The following DCAF17 variants were observed in gnomAD, a reference collection of about 807,000 sequenced individuals.
DCAF17 encodes DDB1 and CUL4 associated factor 17, also known as DDB1- and CUL4-associated factor 17.
In DCAF17, 48 loss-of-function variants were observed where a neutral mutation model predicts 66.0. The ratio of observed to expected loss-of-function variants is 0.73; its 90% confidence interval spans 0.58 to 0.92. DCAF17 has a LOEUF of 0.92. Ranked by LOEUF, DCAF17 falls within the 40% of genes least tolerant of loss-of-function variation. DCAF17 has a pLI of 0.00. For missense variants in DCAF17, 562 were observed against 622.8 expected, an observed-to-expected ratio of 0.90 and a Z score of 1.04; for synonymous variants, 206 against 214.6, an observed-to-expected ratio of 0.96 and a Z score of 0.35.
At chr2:171,462,937 A>G (rs1485678606) in intron 8 of DCAF17, among the ~76,000 whole-genome samples, 1 of 152,160 alleles carries the variant, frequency 6.6e-6, no homozygotes, top group Non-Finnish European at 1.5e-5. Context: ...TGTTAAAAAG[A>G]AGGAGGAGTT....
intron 8 of DCAF17, among the ~76,000 whole-genome samples, chr2:171,465,154 C>T (rs558689227): frequency 1.3e-5 from 2 of 150,982 alleles, no homozygotes; most frequent in Non-Finnish European, 2.9e-5. Context: ...GCCGAGATTG[C>T]GCCACTGCAC....
chr2:171,437,395 C>T (rs76059736), intron 2 of DCAF17, among the ~76,000 whole-genome samples: 6,394 of 152,192 alleles, frequency 0.042, 200 homozygotes, highest in South Asian at 0.13. Flanking sequence ...ATCAATTGAC[C>T]ATAGACACTT....
In DCAF17 at chr2:171,434,794, C is replaced by T. The variant is rs911959314; in HGVS notation, c.126+91C>T. On this transcript the variant is annotated intron_variant, in intron 1 of 13. Coordinates refer to ENST00000375255, the MANE Select transcript of DCAF17 (RefSeq NM_025000.4). The stretch of plus-strand genomic sequence containing the variant: ...GGATGCGGTTTTAACGCGCTGGGGC[C>T]TCCCTTTATAGGGTCACATGTGATG... 3.6e-6 allele frequency: 5 copies of T among 1,387,112 alleles called. No individual in the cohort carries two copies. In the African/African-American group the frequency reaches 6.1e-5, roughly 17 times the overall value. The allele number at this position is 1,387,112 out of a possible 1,614,324, so 85.9% of individuals were successfully genotyped here. A position where few individuals can be genotyped will look rare whatever the true frequency, so the allele number is the denominator to read the frequency against.
chr2:171,482,734 A>G lies in DCAF17; in HGVS notation c.*1620A>G, dbSNP rs778092477. The G allele has an allele frequency of 2.0e-5, 9 of 452,420 alleles. No homozygotes were observed. Among genetic ancestry groups the G allele is most frequent in the South Asian group, 7.8e-5 (5 of 64,182 alleles). 28.0% of individuals were successfully genotyped at this position (452,420 alleles called of 1,614,324 possible). On this transcript the variant is annotated 3_prime_UTR_variant, in exon 14 of 14. Coordinates refer to ENST00000375255, the MANE Select transcript of DCAF17 (RefSeq NM_025000.4). ...TAAGTCATCACCTTCCTTTTATGAA[A>G]TGATAGTAAGGAACTCGTCTATTCT...
intron 2 of DCAF17, among the ~76,000 whole-genome samples, chr2:171,437,640 A>G (rs963435644): frequency 1.3e-5 from 2 of 152,238 alleles, no homozygotes; most frequent in Non-Finnish European, 2.9e-5. Flanking sequence ...CTCCTTGGGT[A>G]AATTTTGATA....
intron 6 of DCAF17, among the ~76,000 whole-genome samples, chr2:171,453,607 T>C (rs1247116488): frequency 3.9e-5 from 6 of 152,206 alleles, no homozygotes; most frequent in African/African-American, 1.4e-4. Flanking sequence ...CTTTATGATA[T>C]ATAACAAGCC....
intron 2 of DCAF17, among the ~76,000 whole-genome samples, chr2:171,439,246 A>G (rs1694149539): frequency 2.0e-5 from 3 of 151,736 alleles, no homozygotes; most frequent in Admixed American, 2.0e-4. Context: ...ATTACTTCAA[A>G]TATTTATTTT....
At chr2:171,476,508 G>T (rs2105807907) in intron 10 of DCAF17, among the ~76,000 whole-genome samples, 1 of 152,234 alleles carries the variant, frequency 6.6e-6, no homozygotes, top group African/African-American at 2.4e-5. Flanking sequence ...TGCTTTAATT[G>T]TTAGAGCTGA....
At chr2:171,463,364 T>A (rs1027763053) in intron 8 of DCAF17, among the ~76,000 whole-genome samples, 2 of 151,858 alleles carry the variant, frequency 1.3e-5, no homozygotes, top group African/African-American at 4.8e-5. Context: ...TGTAAAGTAT[T>A]GTGTAAAGTA....
chr2:171,448,697 A>G lies in DCAF17; in HGVS notation c.338A>G (p.Asn113Ser), dbSNP rs775916885. The change falls in exon 4 of 14, where the codon AAT (asparagine) becomes AGT (serine). Residue 113 changes from asparagine (N) to serine (S), a missense_variant. Coordinates refer to ENST00000375255, the MANE Select transcript of DCAF17 (RefSeq NM_025000.4). The part of the protein sequence containing the change: ...WECPVGDILP[N>S]SSDYKSSLIA... ...TTTTTTTAGGGAGATATACTTCCCA[A>G]TTCATCAGATTATAAGTCCTCACTC... 4.4e-6 allele frequency: 7 copies of G among 1,598,040 alleles called. No homozygotes were observed. Among genetic ancestry groups the G allele is most frequent in the Admixed American group, 1.7e-5 (1 of 57,736 alleles).
At position 171,484,958 on chromosome 2, in the gene DCAF17, A is replaced by G. The variant is rs1559300875; in HGVS notation, c.*3844A>G. The G allele has an allele frequency of 1.1e-5, 5 of 453,990 alleles. No individual in the cohort carries two copies. Among genetic ancestry groups the G allele is most frequent in the South Asian group, 7.8e-5 (5 of 64,448 alleles). The allele number at this position is 453,990 out of a possible 1,614,324, so 28.1% of individuals were successfully genotyped here. A position where few individuals can be genotyped will look rare whatever the true frequency, so the allele number is the denominator to read the frequency against. Reference sequence around the variant, plus strand: ...GTATTCTTTCGTATGAATATATCACAGTTTGTTTTTTTATCTTTCTGTTGA... The same window carrying G: ...GTATTCTTTCGTATGAATATATCACGGTTTGTTTTTTTATCTTTCTGTTGA... On this transcript the variant is annotated 3_prime_UTR_variant, in exon 14 of 14. Transcript: ENST00000375255.
At chr2:171,458,265 A>G in intron 7 of DCAF17, 107 bp from the exon 8 acceptor site, 2 of 1,119,492 alleles carry the variant, frequency 1.8e-6, no homozygotes, top group Non-Finnish European at 2.7e-6. Context: ...AGGCCATTGG[A>G]AAAAGACATT....
Position 171,484,556 on chromosome 2 carries a change from TAG to T in DCAF17, c.*3445_*3446del, listed in dbSNP as rs539235134. ...AGTACTTCAACTGCAGATTATTAAC[TAG>T]AGTTTAGTATTTATTTAGTTTTTAA... On this transcript the variant is annotated 3_prime_UTR_variant, in exon 14 of 14. Transcript: ENST00000375255. 1.3e-3 allele frequency: 605 copies of T among 452,474 alleles called. 3 individuals carry two copies. The highest frequency in any genetic ancestry group is 0.01 in the African/African-American group (519 of 50,048). 28.0% of individuals were successfully genotyped at this position (452,474 alleles called of 1,614,324 possible).
In DCAF17 at chr2:171,449,939, C is replaced by G; in HGVS notation, c.519C>G (p.Gly173=). 2 of 1,613,616 alleles carry G rather than the reference C, an allele frequency of 1.2e-6. No homozygotes were observed. Among genetic ancestry groups the G allele is most frequent in the Non-Finnish European group, 8.5e-7 (1 of 1,179,642 alleles). The part of the protein sequence containing the change: ...VIAVKSAQNR[G]SAVARQAGIQ... The stretch of plus-strand genomic sequence containing the variant: ...CAGTTAAGTCAGCTCAGAACAGAGG[C>G]TCAGCAGTGGCCCGGCAGGTATACA... The change falls in exon 5 of 14, where the codon GGC becomes GGG. Residue 173 remains glycine (G), a synonymous_variant. Coordinates refer to ENST00000375255, the MANE Select transcript of DCAF17 (RefSeq NM_025000.4).
intron 6 of DCAF17, among the ~76,000 whole-genome samples, chr2:171,456,580 A>C (rs938847125): frequency 2.6e-4 from 39 of 152,180 alleles, no homozygotes; most frequent in African/African-American, 9.4e-4. Context: ...AAATATATAA[A>C]TTGCTTTGGC....
intron 2 of DCAF17, chr2:171,443,271 C>A: frequency 2.8e-6 from 1 of 355,106 alleles, no homozygotes; most frequent in Non-Finnish European, 5.2e-6. Flanking sequence ...TGTATATAAA[C>A]CAGAAGGAAA....
intron 8 of DCAF17, among the ~76,000 whole-genome samples, chr2:171,465,208 A>G (rs1268513081): frequency 6.6e-6 from 1 of 151,760 alleles, no homozygotes; most frequent in Non-Finnish European, 1.5e-5. Flanking sequence ...AAAAAGGAAA[A>G]AAAAAAAAAA....
chr2:171,469,375 T>C (rs961486855), intron 9 of DCAF17, among the ~76,000 whole-genome samples: 2 of 152,162 alleles, frequency 1.3e-5, no homozygotes, highest in Non-Finnish European at 2.9e-5. Context: ...GTGGAATGTG[T>C]TGTTGGTTCT....
chr2:171,445,842 C>G (rs1694589229), intron 3 of DCAF17, among the ~76,000 whole-genome samples: 1 of 151,852 alleles, frequency 6.6e-6, no homozygotes, highest in Non-Finnish European at 1.5e-5. Context: ...ACCAACAAAC[C>G]CAGCTAATTT....
Sources: allele counts gnomAD v4.1 joint callset (sites outside exome capture counted in the v4.1 genomes callset), GRCh38; gene constraint gnomAD v4.1.1; transcripts MANE v1.5; gene names NCBI Gene and HGNC (gene_info 2026-07-23, HGNC 2026-07-21).